Variants in MTSS1 observed in about 807,000 individuals in gnomAD.
MTSS1 encodes the protein MTSS I-BAR domain containing 1.
In MTSS1, 18 loss-of-function variants were observed where a neutral mutation model predicts 79.0. That is an observed-to-expected ratio of 0.23 (90% CI 0.16 to 0.34). MTSS1 has a LOEUF of 0.34. MTSS1 is among the 10% of genes least tolerant of loss of function. The probability of loss-of-function intolerance (pLI) is 1.00; values close to 1 mark genes in which losing one functional copy is unlikely to be tolerated. For synonymous variants in MTSS1, 341 were observed against 368.6 expected, an observed-to-expected ratio of 0.93 and a Z score of 0.86; for missense variants, 815 against 986.2, an observed-to-expected ratio of 0.83 and a Z score of 2.33.
At chr8:124,724,506 G>A (rs1833402204) in intron 1 of MTSS1, among the ~76,000 whole-genome samples, 2 of 152,140 alleles carry the variant, frequency 1.3e-5, no homozygotes, top group Non-Finnish European at 2.9e-5. Context: ...AGTTCTCCCC[G>A]CAGCAGGCCC....
intron 3 of MTSS1, among the ~76,000 whole-genome samples, chr8:124,594,122 T>C (rs1042650556): frequency 3.3e-5 from 5 of 152,230 alleles, no homozygotes; most frequent in Non-Finnish European, 5.9e-5. Context: ...TCATCTCAAA[T>C]GTCAGTGCCC....
At chr8:124,696,524 T>C (rs76918875) in intron 3 of MTSS1, among the ~76,000 whole-genome samples, 45 of 152,156 alleles carry the variant, frequency 3.0e-4, no homozygotes, top group African/African-American at 1.1e-3. Flanking sequence ...TATCCTGGCA[T>C]CACTAAAAAT....
At chr8:124,676,096 T>A (rs1228533326) in intron 3 of MTSS1, among the ~76,000 whole-genome samples, 1 of 152,128 alleles carries the variant, frequency 6.6e-6, no homozygotes. Flanking sequence ...ACTTTTATAA[T>A]AAGAAAAACA....
intron 3 of MTSS1, among the ~76,000 whole-genome samples, chr8:124,696,862 A>G (rs574121803): frequency 6.1e-4 from 93 of 152,094 alleles, no homozygotes; most frequent in African/African-American, 2.2e-3. Flanking sequence ...AAAAAAAAAA[A>G]AAGAAAAAAA....
intron 3 of MTSS1, among the ~76,000 whole-genome samples, chr8:124,682,996 C>T (rs75815223): frequency 0.014 from 2,173 of 152,188 alleles, 36 homozygotes; most frequent in Middle Eastern, 0.031. Flanking sequence ...TCATCCCAGC[C>T]CTTCCTTCCC....
intron 3 of MTSS1, among the ~76,000 whole-genome samples, chr8:124,649,962 G>A (rs1819656544): frequency 6.6e-6 from 1 of 151,600 alleles, no homozygotes; most frequent in Non-Finnish European, 1.5e-5. Flanking sequence ...TTAACAGACA[G>A]CAATTGGTAC....
chr8:124,616,155 C>G (rs1276747070), intron 3 of MTSS1, among the ~76,000 whole-genome samples: 3 of 152,182 alleles, frequency 2.0e-5, no homozygotes, highest in Non-Finnish European at 4.4e-5. Flanking sequence ...CATGAACATG[C>G]AAACGCTCTG....
chr8:124,705,081 G>A (rs1218723505), intron 1 of MTSS1, among the ~76,000 whole-genome samples: 1 of 152,076 alleles, frequency 6.6e-6, no homozygotes, highest in Non-Finnish European at 1.5e-5. Context: ...TTTATATTAA[G>A]ATCACACAGC....
intron 3 of MTSS1, among the ~76,000 whole-genome samples, chr8:124,695,324 A>T (rs1233496569): frequency 7.3e-6 from 1 of 136,926 alleles, no homozygotes; most frequent in Non-Finnish European, 1.6e-5. Flanking sequence ...TACCACTTCC[A>T]TCAAGAGGGA....
intron 3 of MTSS1, among the ~76,000 whole-genome samples, chr8:124,602,207 A>ATATATATAT: frequency 2.1e-5 from 3 of 142,214 alleles, no homozygotes; most frequent in African/African-American, 5.5e-5. Flanking sequence ...ATATATATAT[A>ATATATATAT]ATTTTTTTTT....
At chr8:124,662,417 A>G (rs932834504) in intron 3 of MTSS1, among the ~76,000 whole-genome samples, 1 of 152,212 alleles carries the variant, frequency 6.6e-6, no homozygotes, top group Non-Finnish European at 1.5e-5. Flanking sequence ...ACTGTATGCC[A>G]TACACAGCAC....
intron 3 of MTSS1, among the ~76,000 whole-genome samples, chr8:124,628,315 T>C (rs1815154646): frequency 6.6e-6 from 1 of 152,278 alleles, no homozygotes; most frequent in African/African-American, 2.4e-5. Context: ...GCGTCAGTCT[T>C]ATCATCCGAC....
intron 1 of MTSS1, among the ~76,000 whole-genome samples, chr8:124,725,099 C>G (rs1167406964): frequency 6.6e-6 from 1 of 152,194 alleles, no homozygotes; most frequent in African/African-American, 2.4e-5. Context: ...CAGGCTTCCT[C>G]TCGTCAAGGA....
chr8:124,606,164 G>GTTTTTTTTTTTTTTTTTTTTTTTT lies in MTSS1; in HGVS notation c.209-14930_209-14929insAAAAAAAAAAAAAAAAAAAAAAAA, dbSNP rs199611609. On this transcript the variant is annotated intron_variant, in intron 3 of 13. Transcript: ENST00000518547. ...CTAATTTTTGTGTTTTCTGTGTTTG[G>GTTTTTTTTTTTTTTTTTTTTTTTT]TTTTTTGTTTTTTTTTTTTTTTTTT... Among the ~76,000 whole-genome samples the GTTTTTTTTTTTTTTTTTTTTTTTT allele has an allele frequency of 1.9e-5, 2 of 106,060 alleles. 1 individual carries two copies. The highest frequency in any genetic ancestry group is 3.6e-5 in the Non-Finnish European group (2 of 55,606). 69.6% of individuals were successfully genotyped at this position (106,060 alleles called of 152,430 possible). A position where few individuals can be genotyped will look rare whatever the true frequency, so the allele number is the denominator to read the frequency against.
chr8:124,593,282 G>A (rs1471149217), intron 3 of MTSS1, among the ~76,000 whole-genome samples: 1 of 152,240 alleles, frequency 6.6e-6, no homozygotes, highest in African/African-American at 2.4e-5. Flanking sequence ...GCCACACAAG[G>A]AAACTGGCAC....
At chr8:124,685,477 G>C (rs1826809874) in intron 3 of MTSS1, among the ~76,000 whole-genome samples, 2 of 152,224 alleles carry the variant, frequency 1.3e-5, no homozygotes, top group African/African-American at 4.8e-5. Flanking sequence ...TCTGGGCAGA[G>C]CTCTCAGCGG....
At chr8:124,623,164 A>G (rs1321185938) in intron 3 of MTSS1, among the ~76,000 whole-genome samples, 1 of 152,256 alleles carries the variant, frequency 6.6e-6, no homozygotes, top group East Asian at 1.9e-4. Context: ...GTTTCAGAGT[A>G]TGGTTACCCT....
chr8:124,657,591 C>G (rs1440226308), intron 3 of MTSS1, among the ~76,000 whole-genome samples: 1 of 152,102 alleles, frequency 6.6e-6, no homozygotes, highest in Non-Finnish European at 1.5e-5. Flanking sequence ...GACTCACCAG[C>G]AACACTGTGA....
At chr8:124,675,834 C>T (rs144432547) in intron 3 of MTSS1, among the ~76,000 whole-genome samples, 4 of 152,346 alleles carry the variant, frequency 2.6e-5, no homozygotes, top group Non-Finnish European at 2.9e-5. Flanking sequence ...TCCCTTTTTA[C>T]GGTTGAATAA....
Sources: gnomAD v4.1 joint callset for allele counts (sites outside exome capture counted in the v4.1 genomes callset) on GRCh38, gnomAD v4.1.1 for gene constraint, MANE v1.5 for transcripts, NCBI Gene and HGNC (gene_info 2026-07-23, HGNC 2026-07-21) for gene names.